LRRTM4: variants seen among roughly 807,000 people sequenced by gnomAD.
LRRTM4 encodes leucine-rich repeat transmembrane neuronal protein 4.
In LRRTM4, 25 loss-of-function variants were observed where a neutral mutation model predicts 47.6. The observed-to-expected ratio is 0.53, with a 90% CI of 0.38 to 0.73. LRRTM4 has a LOEUF of 0.73. LRRTM4 is among the 30% of genes least tolerant of loss of function. LRRTM4 has a pLI of 0.00. For missense variants in LRRTM4, 638 were observed against 713.4 expected (o/e 0.89, Z 1.20); for synonymous variants, 311 against 269.5 (o/e 1.15, Z -1.51).
chr2:77,485,845 C>G (rs1282940120), intron 3 of LRRTM4, among the ~76,000 whole-genome samples: 1 of 152,190 alleles, frequency 6.6e-6, no homozygotes, highest in African/African-American at 2.4e-5. Context: ...ATCCTCCCAT[C>G]TCAGCCTCCC....
intron 3 of LRRTM4, among the ~76,000 whole-genome samples, chr2:77,023,579 G>A (rs1678348419): frequency 6.6e-6 from 1 of 152,154 alleles, no homozygotes; most frequent in Non-Finnish European, 1.5e-5. Context: ...TCTTCTGCCA[G>A]GTACCCTGAA....
intron 3 of LRRTM4, among the ~76,000 whole-genome samples, chr2:77,371,538 T>C (rs184139791): frequency 6.6e-6 from 1 of 151,792 alleles, no homozygotes; most frequent in East Asian, 1.9e-4. Context: ...ATATTCCACC[T>C]CTTTATCTAT....
chr2:77,473,780 G>A (rs1027056743), intron 3 of LRRTM4, among the ~76,000 whole-genome samples: 10 of 152,124 alleles, frequency 6.6e-5, no homozygotes, highest in African/African-American at 2.4e-4. Flanking sequence ...ATTGGTACCA[G>A]TGTATGTAAC....
chr2:77,407,956 T>A (rs1674278531), intron 3 of LRRTM4, among the ~76,000 whole-genome samples: 1 of 151,702 alleles, frequency 6.6e-6, no homozygotes, highest in African/African-American at 2.4e-5. Context: ...AAATGCCTAA[T>A]CATTTGTTTC....
chr2:76,911,192 G>C (rs1383112173), intron 3 of LRRTM4, among the ~76,000 whole-genome samples: 1 of 152,190 alleles, frequency 6.6e-6, no homozygotes, highest in African/African-American at 2.4e-5. Flanking sequence ...CAGGTACCGA[G>C]TTTGAAAAGG....
At chr2:76,968,054 G>T (rs114233988) in intron 3 of LRRTM4, among the ~76,000 whole-genome samples, 1 of 151,004 alleles carries the variant, frequency 6.6e-6, no homozygotes, top group East Asian at 2.0e-4. Flanking sequence ...AAAGGTATAA[G>T]TAAGCAAAAT....
intron 3 of LRRTM4, among the ~76,000 whole-genome samples, chr2:77,054,377 G>T (rs1679534762): frequency 6.6e-6 from 1 of 152,138 alleles, no homozygotes; most frequent in South Asian, 2.1e-4. Flanking sequence ...CTGTTTTCCA[G>T]CAGCAGCCAC....
At chr2:76,833,367 G>C (rs1486913277) in intron 3 of LRRTM4, among the ~76,000 whole-genome samples, 1 of 151,922 alleles carries the variant, frequency 6.6e-6, no homozygotes, top group East Asian at 1.9e-4. Flanking sequence ...GGTCAGGGTA[G>C]CTGAATCCAT....
intron 3 of LRRTM4, among the ~76,000 whole-genome samples, chr2:76,772,373 C>T (rs186199266): frequency 4.6e-5 from 7 of 151,882 alleles, no homozygotes; most frequent in Non-Finnish European, 7.4e-5. Flanking sequence ...GCAGCCTGAA[C>T]AGACTAAGAA....
At chr2:76,960,931 G>T (rs1348719766) in intron 3 of LRRTM4, among the ~76,000 whole-genome samples, 1 of 151,364 alleles carries the variant, frequency 6.6e-6, no homozygotes, top group Admixed American at 6.6e-5. Flanking sequence ...AATACACTGT[G>T]CTACCAATGT....
chr2:76,752,878 C>T (rs1672899752), intron 3 of LRRTM4, among the ~76,000 whole-genome samples: 1 of 152,124 alleles, frequency 6.6e-6, no homozygotes, highest in Non-Finnish European at 1.5e-5. Context: ...TCCATCAGCT[C>T]TCTGATGAGC....
chr2:77,521,563 G>C, intron 2 of LRRTM4, 105 bp downstream of exon 2: 1 of 1,311,920 alleles, frequency 7.6e-7, no homozygotes, highest in Non-Finnish European at 1.1e-6. Context: ...AAAGGCTGCT[G>C]CTCTTTGCCT....
At chr2:77,302,666 G>A (rs957173911) in intron 3 of LRRTM4, among the ~76,000 whole-genome samples, 8 of 152,186 alleles carry the variant, frequency 5.3e-5, no homozygotes, top group African/African-American at 1.9e-4. Context: ...AGAGGTATTT[G>A]TGCTGGTTAT....
At chr2:77,126,427 G>A (rs1193481955) in intron 3 of LRRTM4, among the ~76,000 whole-genome samples, 1 of 152,090 alleles carries the variant, frequency 6.6e-6, no homozygotes, top group Non-Finnish European at 1.5e-5. Flanking sequence ...CTAGGTTTCT[G>A]TATCATTTAT....
chr2:76,890,317 CAA>C (rs1673212261), intron 3 of LRRTM4, among the ~76,000 whole-genome samples: 1 of 151,888 alleles, frequency 6.6e-6, no homozygotes, highest in Non-Finnish European at 1.5e-5. Context: ...ATAAAAAATG[CAA>C]AGAGGGATGT....
At chr2:77,091,234 C>A (rs1281026172) in intron 3 of LRRTM4, among the ~76,000 whole-genome samples, 4 of 150,286 alleles carry the variant, frequency 2.7e-5, no homozygotes. Context: ...TCCTTTGCGT[C>A]CTCCTCTTGT....
chr2:77,005,197 T>G (rs748010603), intron 3 of LRRTM4, among the ~76,000 whole-genome samples: 5 of 152,108 alleles, frequency 3.3e-5, no homozygotes, highest in African/African-American at 4.8e-5. Flanking sequence ...CAGGCTGGAG[T>G]ACAGTGGCAT....
intron 3 of LRRTM4, among the ~76,000 whole-genome samples, chr2:77,285,902 T>C (rs1676642773): frequency 6.6e-6 from 1 of 152,162 alleles, no homozygotes; most frequent in African/African-American, 2.4e-5. Flanking sequence ...ACTAATAAAA[T>C]GCTATATATC....
intron 3 of LRRTM4, among the ~76,000 whole-genome samples, chr2:76,964,540 T>C (rs1422996874): frequency 6.6e-6 from 1 of 150,916 alleles, no homozygotes; most frequent in African/African-American, 2.4e-5. Context: ...TACAGGGGTC[T>C]GTACTCCCTG....
Sources: gnomAD v4.1 joint callset for allele counts (sites outside exome capture counted in the v4.1 genomes callset) on GRCh38, gnomAD v4.1.1 for gene constraint, MANE v1.5 for transcripts, NCBI Gene and HGNC (gene_info 2026-07-23, HGNC 2026-07-21) for gene names.